Variants in ASIC2 observed in about 807,000 individuals in gnomAD.
The protein encoded by ASIC2 is acid sensing ion channel subunit 2, also known as acid-sensing ion channel 2.
A neutral mutation model predicts 57.3 loss-of-function variants in ASIC2; 25 were observed. The observed-to-expected ratio is 0.44, with a 90% CI of 0.32 to 0.61. The LOEUF is 0.61. ASIC2 is among the 20% of genes least tolerant of loss of function. The pLI, the probability that ASIC2 is intolerant of heterozygous loss-of-function variation, is 0.06. For synonymous variants in ASIC2, 319 were observed against 307.5 expected (o/e 1.04, Z -0.39); for missense variants, 641 against 738.1 (o/e 0.87, Z 1.52).
intron 2 of ASIC2, 133 bp from the exon 3 acceptor site, chr17:33,089,123 C>T: frequency 8.3e-7 from 1 of 1,205,104 alleles, no homozygotes; most frequent in South Asian, 1.6e-5. Flanking sequence ...AAGGTGTCCA[C>T]ATCCCCACCT....
intron 1 of ASIC2, among the ~76,000 whole-genome samples, chr17:33,540,570 T>C (rs999804960): frequency 6.6e-6 from 1 of 152,116 alleles, no homozygotes; most frequent in Non-Finnish European, 1.5e-5. Flanking sequence ...CAATTTATTA[T>C]AAGGGCAAGG....
intron 1 of ASIC2, among the ~76,000 whole-genome samples, chr17:33,492,842 A>C (rs1322673307): frequency 6.6e-6 from 1 of 152,154 alleles, no homozygotes; most frequent in Non-Finnish European, 1.5e-5. Flanking sequence ...AATGGGGGAA[A>C]GCTGCCCAGA....
At chr17:33,971,402 A>T (rs1246066196) in intron 1 of ASIC2, among the ~76,000 whole-genome samples, 1 of 152,204 alleles carries the variant, frequency 6.6e-6, no homozygotes, top group African/African-American at 2.4e-5. Context: ...GTCTAAAGGC[A>T]ACCAGGAGAA....
In ASIC2 at chr17:33,027,690, C is replaced by T. The variant is rs753076148; in HGVS notation, c.1138+552G>A. On this transcript the variant is annotated intron_variant, in intron 4 of 9. Coordinates refer to ENST00000225823, the MANE Select transcript of ASIC2 (RefSeq NM_183377.2). ...CTCATGTGTCCTTGCTGCAACACTG[C>T]GCTCTTCCTCCCCAGATCAGCTTTC... Among the ~76,000 whole-genome samples the T allele has an allele frequency of 5.9e-5, 9 of 152,350 alleles. 1 individual carries two copies. The highest frequency in any genetic ancestry group is 9.6e-5 in the African/African-American group (4 of 41,586).
At chr17:33,272,052 A>C (rs35048780) in intron 1 of ASIC2, among the ~76,000 whole-genome samples, 39 of 68,938 alleles carry the variant, frequency 5.7e-4, no homozygotes, top group Non-Finnish European at 1.0e-3. Context: ...TCTTCTGCCC[A>C]GAGCACCTTG....
At chr17:33,758,515 T>C (rs118064073) in intron 1 of ASIC2, among the ~76,000 whole-genome samples, 3,461 of 152,300 alleles carry the variant, frequency 0.023, 71 homozygotes, top group Admixed American at 0.042. Context: ...TGTTAAAATA[T>C]AATCCCCAGT....
intron 1 of ASIC2, among the ~76,000 whole-genome samples, chr17:33,720,402 C>T (rs1235609386): frequency 1.3e-5 from 2 of 152,180 alleles, no homozygotes; most frequent in Non-Finnish European, 2.9e-5. Flanking sequence ...ATTTTATTCA[C>T]AGACTACTTC....
rs986721781 is a variant in ASIC2 at position 33,091,451 on chromosome 17, G to T, written c.860-2461C>A. 3.9e-5 allele frequency among the ~76,000 whole-genome samples: 6 copies of T among 152,316 alleles called. No individual in the cohort carries two copies. The East Asian group carries it at 7.7e-4, about 20-fold the overall frequency. ...TTGTTTTCGAGAGCTAGCTGAAGCC[G>T]TGTGTGCCTGCTATACAACCAAGCT... On this transcript the variant is annotated intron_variant, in intron 2 of 9. Coordinates refer to ENST00000225823, the MANE Select transcript of ASIC2 (RefSeq NM_183377.2).
At chr17:33,379,264 C>A (rs953639054) in intron 1 of ASIC2, among the ~76,000 whole-genome samples, 8 of 152,146 alleles carry the variant, frequency 5.3e-5, no homozygotes, top group African/African-American at 1.9e-4. Flanking sequence ...TCCTCCTAAG[C>A]CTTGTTTTTC....
At chr17:33,712,941 G>A (rs868301814) in intron 1 of ASIC2, among the ~76,000 whole-genome samples, 4 of 152,198 alleles carry the variant, frequency 2.6e-5, no homozygotes, top group South Asian at 2.1e-4. Context: ...CACCGCGCCC[G>A]GCCCTCATAT....
At chr17:33,232,795 C>G (rs1908156762) in intron 1 of ASIC2, among the ~76,000 whole-genome samples, 2 of 152,146 alleles carry the variant, frequency 1.3e-5, no homozygotes, top group Non-Finnish European at 2.9e-5. Flanking sequence ...CTTCTGAACG[C>G]TAAGAGAGGA....
At chr17:33,317,900 T>A (rs951644525) in intron 1 of ASIC2, among the ~76,000 whole-genome samples, 1 of 149,650 alleles carries the variant, frequency 6.7e-6, no homozygotes, top group African/African-American at 2.5e-5. Context: ...TGTGTGTGTG[T>A]GTGTGTGTGT....
intron 1 of ASIC2, among the ~76,000 whole-genome samples, chr17:33,815,927 A>C (rs959855893): frequency 6.6e-6 from 1 of 152,222 alleles, no homozygotes; most frequent in Non-Finnish European, 1.5e-5. Context: ...ATCCAGGGCT[A>C]GTATCACAGT....
chr17:33,833,273 G>T (rs1225028713), intron 1 of ASIC2, among the ~76,000 whole-genome samples: 1 of 152,060 alleles, frequency 6.6e-6, no homozygotes, highest in Middle Eastern at 3.2e-3. Context: ...GTTTACCATT[G>T]TATCTCTAGC....
chr17:34,020,227 C>T lies in ASIC2; in HGVS notation c.555+135751G>A, dbSNP rs375911738. ...CCCTGTTTTCCAGTATCTGGTGGTC[C>T]CTGGGCCATAGTAGACCTGGCTCAA... On this transcript the variant is annotated intron_variant, in intron 1 of 9. Coordinates refer to the ASIC2 transcript ENST00000359872. Among the ~76,000 whole-genome samples the T allele has an allele frequency of 1.3e-4, 20 of 152,176 alleles. No homozygotes were observed. In the East Asian group the frequency reaches 2.5e-3, roughly 19 times the overall value.
chr17:33,481,957 G>T (rs1022265910), intron 1 of ASIC2, among the ~76,000 whole-genome samples: 10 of 152,182 alleles, frequency 6.6e-5, no homozygotes, highest in African/African-American at 2.4e-4. Context: ...GATAGCACCT[G>T]TCCTCTTAGC....
chr17:33,229,354 G>A (rs577869026), intron 1 of ASIC2, among the ~76,000 whole-genome samples: 4 of 152,314 alleles, frequency 2.6e-5, no homozygotes, highest in South Asian at 2.1e-4. Context: ...TGAGAGCTGG[G>A]GAAGGGTCTG....
intron 1 of ASIC2, among the ~76,000 whole-genome samples, chr17:33,358,831 T>G (rs1193735746): frequency 1.3e-5 from 2 of 152,204 alleles, no homozygotes; most frequent in Non-Finnish European, 2.9e-5. Flanking sequence ...TGTATTTTCT[T>G]CCTTTTAACA....
chr17:33,598,987 A>G (rs144381820), intron 1 of ASIC2, among the ~76,000 whole-genome samples: 168 of 152,290 alleles, frequency 1.1e-3, no homozygotes, highest in African/African-American at 3.9e-3. Flanking sequence ...GTGTGCATGC[A>G]CCTTACGCAA....
Sources: gnomAD v4.1 joint callset for allele counts (sites outside exome capture counted in the v4.1 genomes callset) on GRCh38, gnomAD v4.1.1 for gene constraint, MANE v1.5 for transcripts, NCBI Gene and HGNC (gene_info 2026-07-23, HGNC 2026-07-21) for gene names.